Variants in TECTA observed in about 807,000 individuals in gnomAD.
TECTA encodes tectorin alpha, also known as alpha-tectorin.
Under a neutral mutation model 216.8 loss-of-function variants are expected in TECTA, and 128 were observed. That is an observed-to-expected ratio of 0.59 (90% confidence interval 0.51 to 0.68). TECTA has a LOEUF of 0.68. Among genes scored for constraint, TECTA ranks in the 30% least tolerant of loss-of-function variants. The probability of loss-of-function intolerance (pLI) is 0.00; values close to 1 mark genes in which losing one functional copy is unlikely to be tolerated. For synonymous variants in TECTA, 1,089 were observed against 1,117.1 expected (o/e 0.97, Z 0.50); for missense variants, 2,551 against 2,786.2 (o/e 0.92, Z 1.90).
rs949270612 is a variant in TECTA, at chr11:121,105,352, G to A, written c.65-479G>A. Among the ~76,000 whole-genome samples the A allele has an allele frequency of 6.6e-6, 1 of 152,206 alleles. No individual in the cohort carries two copies. Among genetic ancestry groups the A allele is most frequent in the Non-Finnish European group, 1.5e-5 (1 of 68,030 alleles). ...CACTTTTGTCTCAGTTCCCACTGTT[G>A]TTTATTTCCTTCTGGGATCTGGGAT... On this transcript the variant is annotated intron_variant, in intron 2 of 23. Coordinates refer to ENST00000392793, the MANE Select transcript of TECTA (RefSeq NM_005422.4). This position sits in a 1 kb window ranked among gnomAD's most constrained non-coding sequence, Gnocchi z 5.3.
At chr11:121,170,997 A>G (rs1264821492) in intron 20 of TECTA, among the ~76,000 whole-genome samples, 1 of 152,032 alleles carries the variant, frequency 6.6e-6, no homozygotes, top group African/African-American at 2.4e-5. Flanking sequence ...CCCATAAAAT[A>G]TTTGCCTCAA....
chr11:121,145,965 T>C lies in TECTA; in HGVS notation c.3954T>C (p.Val1318=). 1 of 1,614,242 alleles carries C rather than the reference T, an allele frequency of 6.2e-7. No homozygotes were observed. The highest frequency in any genetic ancestry group is 8.5e-7 in the Non-Finnish European group (1 of 1,180,042). ...CCTTCTCCAAGTGTCACAGCAAAGT[T>C]AACCCCACCTTCTTCTATAAGAACT... ...NAAFSKCHSK[V]NPTFFYKNCL... The change falls in exon 12 of 24, where the codon GTT becomes GTC. Residue 1318 remains valine, a synonymous_variant. Coordinates refer to ENST00000392793, the MANE Select transcript of TECTA (RefSeq NM_005422.4).
In TECTA at chr11:121,190,959, C is replaced by T. The variant is rs778859189; in HGVS notation, c.*153C>T. The T allele has an allele frequency of 1.3e-5, 8 of 629,752 alleles. No individual in the cohort carries two copies. The highest frequency in any genetic ancestry group is 2.0e-5 in the Non-Finnish European group (7 of 351,428). The allele number at this position is 629,752 out of a possible 1,614,324, so 39.0% of individuals were successfully genotyped here. On this transcript the variant is annotated 3_prime_UTR_variant, in exon 24 of 24. Coordinates refer to ENST00000392793, the MANE Select transcript of TECTA (RefSeq NM_005422.4). ...CTCCAATGGTCCAAGGTCCAGAAAC[C>T]AGCGACCATCCAAGCTCCTCTTTCA...
At chr11:121,189,457 T>C (rs1269405113) in intron 22 of TECTA, among the ~76,000 whole-genome samples, 1 of 151,834 alleles carries the variant, frequency 6.6e-6, no homozygotes, top group East Asian at 1.9e-4. Flanking sequence ...CACTGCAAGC[T>C]CCGCCTCCCG....
Position 121,147,668 on chromosome 11 carries a change from C to T in TECTA, c.4105+1552C>T, listed in dbSNP as rs1026461343. Reference sequence around the variant, plus strand: ...CTAAATCAGAAAACCCAGCTTTGGACGCAAAGGCCTAAACGTGGTGCAGAA... The same window carrying T: ...CTAAATCAGAAAACCCAGCTTTGGATGCAAAGGCCTAAACGTGGTGCAGAA... On this transcript the variant is annotated intron_variant, in intron 12 of 23. Coordinates refer to ENST00000392793, the MANE Select transcript of TECTA (RefSeq NM_005422.4). Among the ~76,000 whole-genome samples the T allele has an allele frequency of 2.0e-4, 31 of 152,290 alleles. 1 individual carries two copies. The highest frequency in any genetic ancestry group is 1.5e-4 in the Non-Finnish European group (10 of 68,022).
intron 10 of TECTA, among the ~76,000 whole-genome samples, chr11:121,135,044 C>T (rs1213608251): frequency 2.6e-5 from 4 of 152,152 alleles, no homozygotes; most frequent in Non-Finnish European, 5.9e-5. Flanking sequence ...TGAGATGTCC[C>T]CCAGGATGTC....
rs1469447825 is a variant in TECTA at position 121,118,687 on chromosome 11, T to C, written c.1172T>C (p.Leu391Pro). 3.7e-6 allele frequency: 6 copies of C among 1,613,832 alleles called. No individual in the cohort carries two copies. The highest frequency in any genetic ancestry group is 5.1e-6 in the Non-Finnish European group (6 of 1,180,036). Residue 391 changes from leucine (L) to proline (P), a missense_variant, in exon 7 of 24, where the codon CTC becomes CCC. By Grantham distance (98) the Leu-to-Pro change is moderately conservative. Transcript: ENST00000392793. ...LSVEVNGYKILIPKGSYGRVK... is the reference protein window; with the variant it reads ...LSVEVNGYKIPIPKGSYGRVK... ...GTGGAGGTGAATGGCTACAAGATTCTCATCCCCAAAGGAAGCTATGGAAGA... is the reference window on the plus strand; with the variant it reads ...GTGGAGGTGAATGGCTACAAGATTCCCATCCCCAAAGGAAGCTATGGAAGA...
chr11:121,139,214 A>G lies in TECTA; in HGVS notation c.3543+1192A>G, dbSNP rs182629160. On this transcript the variant is annotated intron_variant, in intron 11 of 23. Coordinates refer to ENST00000392793, the MANE Select transcript of TECTA (RefSeq NM_005422.4). ...AGTTGTTTTCCTCTCTGCTCCTCCT[A>G]ACAGTTTATTCCAGTAGCCATTATT... 2.9e-3 allele frequency among the ~76,000 whole-genome samples: 441 copies of G among 152,272 alleles called. 1 individual carries two copies. Among genetic ancestry groups the G allele is most frequent in the Non-Finnish European group, 5.4e-3 (366 of 68,012 alleles).
chr11:121,162,464 T>G, intron 16 of TECTA, 94 bp downstream of exon 16: 1 of 1,441,654 alleles, frequency 6.9e-7, no homozygotes, highest in Non-Finnish European at 9.4e-7. Flanking sequence ...ACTGGTCCTC[T>G]CCAGATTTAC....
At chr11:121,121,431 T>C in intron 7 of TECTA, among the ~76,000 whole-genome samples, 1 of 152,202 alleles carries the variant, frequency 6.6e-6, no homozygotes, top group East Asian at 1.9e-4. Flanking sequence ...AGCTGTCTGC[T>C]AACCATAGGT....
Position 121,152,877 on chromosome 11 carries a change from C to A in TECTA, c.4106-4C>A. The stretch of plus-strand genomic sequence containing the variant: ...CGAGTCTTGACTTGTCTCTCTTGTT[C>A]CAGCTGTCACCTGCCCTCCAAACAG... On this transcript the variant is annotated splice_polypyrimidine_tract_variant and splice_region_variant and intron_variant, in intron 12 of 23. Coordinates refer to ENST00000392793, the MANE Select transcript of TECTA (RefSeq NM_005422.4). The A allele has an allele frequency of 6.3e-7, 1 of 1,597,182 alleles. No homozygotes were observed.
rs886047840 is a variant in TECTA at position 121,137,617 on chromosome 11, C to T, written c.3138C>T (p.Ala1046=). ...GCAACTTTGAGGGGCACCAACTTGC[C>T]ACCAATGAGACCTTCTGGGTGGACC... The part of the protein sequence containing the change: ...CGCNFEGHQL[A]TNETFWVDLD... Residue 1046 remains alanine, a synonymous_variant, in exon 11 of 24, where the codon GCC becomes GCT. Transcript: ENST00000392793. 18 of 1,613,894 alleles carry T rather than the reference C, an allele frequency of 1.1e-5. No homozygotes were observed. Among genetic ancestry groups the T allele is most frequent in the Non-Finnish European group, 1.4e-5 (16 of 1,180,028 alleles).
intron 10 of TECTA, among the ~76,000 whole-genome samples, chr11:121,131,421 C>A (rs936875028): frequency 6.6e-6 from 1 of 152,154 alleles, no homozygotes; most frequent in Non-Finnish European, 1.5e-5. Flanking sequence ...AAAATATACT[C>A]ACTCTTTTTC....
intron 11 of TECTA, among the ~76,000 whole-genome samples, chr11:121,140,412 A>G (rs1338323570): frequency 3.3e-5 from 5 of 152,152 alleles, no homozygotes; most frequent in Admixed American, 2.0e-4. Context: ...CTCTGCCCCA[A>G]TCTCACGAGA....
Position 121,127,747 on chromosome 11 carries a change from G to GT in TECTA, c.1775-4dup, listed in dbSNP as rs1946627200. ...TTATCGGCTCTCTTCCTTTCCCCGC[G>GT]TCAGTGTCCACAGTGCAGTGCCCGA... On this transcript the variant is annotated splice_region_variant and splice_polypyrimidine_tract_variant and intron_variant, in intron 8 of 23. Transcript: ENST00000392793. The surrounding 1 kb of genome is among the most constrained non-coding windows in gnomAD (Gnocchi z 5.0). 1 of 1,613,840 alleles carries GT rather than the reference G, an allele frequency of 6.2e-7. No individual in the cohort carries two copies. The highest frequency in any genetic ancestry group is 1.3e-5 in the African/African-American group (1 of 74,882).
chr11:121,186,766 A>T (rs1264269383), intron 20 of TECTA, among the ~76,000 whole-genome samples: 1 of 152,250 alleles, frequency 6.6e-6, no homozygotes, highest in Non-Finnish European at 1.5e-5. Context: ...CTTATTGCTA[A>T]GCTATTTAAT....
At chr11:121,126,120 GA>G (rs2135078755) in intron 8 of TECTA, among the ~76,000 whole-genome samples, 1 of 152,354 alleles carries the variant, frequency 6.6e-6, no homozygotes, top group South Asian at 2.1e-4. Context: ...GGCATGGCAG[GA>G]AGTCCCACAG....
In TECTA at chr11:121,109,348, T is replaced by C. The variant is rs886043412; in HGVS notation, c.336T>C (p.Tyr112=). The part of the protein sequence containing the change: ...DVHNGIRGEI[Y]YRETMEPAIL... ...ACAATGGAATTCGAGGCGAGATCTA[T>C]TACAGAGAGACCATGGAGCCTGCCA... The change falls in exon 4 of 24, where the codon TAT becomes TAC. Residue 112 remains tyrosine, a synonymous_variant. Coordinates refer to ENST00000392793, the MANE Select transcript of TECTA (RefSeq NM_005422.4). 1 of 1,614,036 alleles carries C rather than the reference T, an allele frequency of 6.2e-7. No individual in the cohort carries two copies. Among genetic ancestry groups the C allele is most frequent in the Admixed American group, 1.7e-5 (1 of 60,028 alleles).
chr11:121,116,290 C>T (rs1946500951), intron 6 of TECTA, among the ~76,000 whole-genome samples: 1 of 152,206 alleles, frequency 6.6e-6, no homozygotes, highest in Non-Finnish European at 1.5e-5. Flanking sequence ...ACTACATTAT[C>T]TCCCTCCCCT....
Sources: allele counts gnomAD v4.1 joint callset (sites outside exome capture counted in the v4.1 genomes callset), GRCh38; gene constraint gnomAD v4.1.1; non-coding constraint Gnocchi (gnomAD v3.1); transcripts MANE v1.5; gene names NCBI Gene and HGNC (gene_info 2026-07-23, HGNC 2026-07-21).